The following PYGB variants were observed in gnomAD, a reference collection of about 807,000 sequenced individuals.
PYGB encodes glycogen phosphorylase B, also known as glycogen phosphorylase, brain form.
PYGB carries 82 observed loss-of-function variants against 94.3 expected under a neutral mutation model. The ratio of observed to expected loss-of-function variants is 0.87; its 90% CI spans 0.73 to 1.04. PYGB has a LOEUF of 1.04. Among genes scored for constraint, PYGB ranks in the 50% least tolerant of loss-of-function variants. The probability of loss-of-function intolerance (pLI) is 0.00; values close to 1 mark genes in which losing one functional copy is unlikely to be tolerated. For missense variants in PYGB, 1,132 were observed against 1,158.2 expected, an observed-to-expected ratio of 0.98 and a Z score of 0.33; for synonymous variants, 488 against 479.1, an observed-to-expected ratio of 1.02 and a Z score of -0.24.
intron 13 of PYGB, among the ~76,000 whole-genome samples, chr20:25,283,505 G>C (rs1377948429): frequency 1.3e-5 from 2 of 152,242 alleles, no homozygotes; most frequent in Non-Finnish European, 1.5e-5. Flanking sequence ...TCACATGGCA[G>C]ATAGGTGAGT....
Position 25,296,824 on chromosome 20 carries a change from G to A in PYGB, c.*302G>A. 2 of 394,828 alleles carry A rather than the reference G, an allele frequency of 5.1e-6. No homozygotes were observed. The highest frequency in any genetic ancestry group is 9.2e-6 in the Non-Finnish European group (2 of 216,714). The allele number at this position is 394,828 out of a possible 1,614,324, so 24.5% of individuals were successfully genotyped here. ...GGAGTCAGGTGGAGCCACCTGCTGG[G>A]CTCCCCCAGAACTTTGCACACATCT... On this transcript the variant is annotated 3_prime_UTR_variant, in exon 20 of 20. Coordinates refer to ENST00000216962, the MANE Select transcript of PYGB (RefSeq NM_002862.4).
intron 17 of PYGB, 124 bp downstream of exon 17, chr20:25,292,737 C>T (rs138950427): frequency 5.6e-6 from 7 of 1,244,022 alleles, no homozygotes; most frequent in East Asian, 2.5e-5. Flanking sequence ...TCAGTGCCCA[C>T]CCAGGGCTGT....
In PYGB at chr20:25,292,584, G is replaced by A. The variant is rs1468828091; in HGVS notation, c.2148G>A (p.Val716=). 6.2e-7 allele frequency: 1 copy of A among 1,612,678 alleles called. No individual in the cohort carries two copies. Among genetic ancestry groups the A allele is most frequent in the South Asian group, 1.1e-5 (1 of 91,078 alleles). The part of the protein sequence containing the change: ...AENLFIFGLR[V]EDVEALDRKG... Reference sequence around the variant, plus strand: ...ACCTCTTCATCTTCGGCCTGCGGGTGGAGGATGTCGAGGCCTTGGACCGGA... The same window carrying A: ...ACCTCTTCATCTTCGGCCTGCGGGTAGAGGATGTCGAGGCCTTGGACCGGA... Residue 716 remains valine, a synonymous_variant, in exon 17 of 20, where the codon GTG becomes GTA. Coordinates refer to ENST00000216962, the MANE Select transcript of PYGB (RefSeq NM_002862.4).
At position 25,294,740 on chromosome 20, in the gene PYGB, A is replaced by G. The variant is rs2088513217; in HGVS notation, c.2312+448A>G. 3 of 629,838 alleles carry G rather than the reference A, an allele frequency of 4.8e-6. No individual in the cohort carries two copies. The East Asian group carries it at 8.3e-5, about 17-fold the overall frequency. The allele number at this position is 629,838 out of a possible 1,614,324, so 39.0% of individuals were successfully genotyped here. The stretch of plus-strand genomic sequence containing the variant: ...GTGAAAATGGATTTCACTTGCAACG[A>G]TGTGACATTATAATGTAGTTAGTGT... On this transcript the variant is annotated intron_variant, in intron 18 of 19. Transcript: ENST00000216962.
chr20:25,285,275 C>T (rs767121120), intron 14 of PYGB: 1 of 152,206 alleles, frequency 6.6e-6, no homozygotes, highest in Non-Finnish European at 1.5e-5. Flanking sequence ...CATTTTCCTC[C>T]TGCAGTTGTG....
At position 25,292,420 on chromosome 20, in the gene PYGB, G is replaced by T; in HGVS notation, c.1984G>T (p.Asp662Tyr). 6.2e-7 allele frequency: 1 copy of T among 1,613,208 alleles called. No individual in the cohort carries two copies. Among genetic ancestry groups the T allele is most frequent in the Non-Finnish European group, 8.5e-7 (1 of 1,179,992 alleles). The change falls in exon 17 of 20, where the codon GAT becomes TAT. Residue 662 changes from aspartate (D) to tyrosine (Y), a missense_variant. Asp to Tyr is a radical substitution (Grantham distance 160). Coordinates refer to ENST00000216962, the MANE Select transcript of PYGB (RefSeq NM_002862.4). ...SLAEKVIPAADLSQQISTAGT... is the reference protein window; with the variant it reads ...SLAEKVIPAAYLSQQISTAGT... Reference sequence around the variant, plus strand: ...CCCCTCCACAGTGATCCCGGCCGCTGATCTGTCGCAGCAGATCTCCACTGC... The same window carrying T: ...CCCCTCCACAGTGATCCCGGCCGCTTATCTGTCGCAGCAGATCTCCACTGC...
At chr20:25,293,594 C>T (rs914185991) in intron 17 of PYGB, among the ~76,000 whole-genome samples, 3 of 152,202 alleles carry the variant, frequency 2.0e-5, no homozygotes, top group African/African-American at 4.8e-5. Context: ...CTTGCTGGCC[C>T]GAGCACAGAG....
At chr20:25,262,314 G>A (rs963171719) in intron 2 of PYGB, among the ~76,000 whole-genome samples, 1 of 152,218 alleles carries the variant, frequency 6.6e-6, no homozygotes, top group Admixed American at 6.5e-5. Context: ...GAGAGTGGGG[G>A]CCAATGTTCA....
chr20:25,251,922 G>A (rs988515699), intron 1 of PYGB, among the ~76,000 whole-genome samples: 2 of 150,276 alleles, frequency 1.3e-5, no homozygotes, highest in Non-Finnish European at 1.5e-5. Flanking sequence ...TGGTTTGGCT[G>A]GACCCAGGAG....
intron 2 of PYGB, among the ~76,000 whole-genome samples, chr20:25,267,282 CAG>C (rs1345190311): frequency 2.6e-5 from 4 of 152,066 alleles, no homozygotes; most frequent in Admixed American, 2.6e-4. Context: ...CAGTGATTGA[CAG>C]AGGTGGGGGA....
At chr20:25,296,273 G>C in intron 19 of PYGB, 97 bp from the exon 20 acceptor site, 1 of 1,471,064 alleles carries the variant, frequency 6.8e-7, no homozygotes, top group Admixed American at 1.7e-5. Context: ...AAGGCTCGGA[G>C]CTCATTTGGA....
At chr20:25,278,499 G>T (rs1245162034) in intron 8 of PYGB, 37 bp downstream of exon 8, 1 of 1,610,204 alleles carries the variant, frequency 6.2e-7, no homozygotes, top group Non-Finnish European at 8.5e-7. Flanking sequence ...CAGTGCCAGG[G>T]GCTGGGCGCC....
At chr20:25,282,673 C>T (rs1479730344) in intron 12 of PYGB, among the ~76,000 whole-genome samples, 1 of 152,192 alleles carries the variant, frequency 6.6e-6, no homozygotes, top group Non-Finnish European at 1.5e-5. Flanking sequence ...TGGTTCAATG[C>T]CCTGTGCTGG....
chr20:25,258,826 A>G (rs145581537), intron 1 of PYGB, among the ~76,000 whole-genome samples: 332 of 152,372 alleles, frequency 2.2e-3, no homozygotes, highest in African/African-American at 7.4e-3. Flanking sequence ...ACTTGAAGAC[A>G]TGGCCTGTGT....
chr20:25,280,457 A>G (rs546592522), intron 10 of PYGB, 45 bp downstream of exon 10: 1 of 1,598,896 alleles, frequency 6.3e-7, no homozygotes, highest in Admixed American at 1.7e-5. Flanking sequence ...GGCTACACCC[A>G]TGCCAACGGC....
At position 25,288,949 on chromosome 20, in the gene PYGB, TC is replaced by T. The variant is rs536095166; in HGVS notation, c.1827+468del. Reference sequence around the variant, plus strand: ...GCCCTCTGCGGCCAGTGTCCCCACCTCCTGCCATGTTTCCCTAGTAGCTTGG... The same window carrying T: ...GCCCTCTGCGGCCAGTGTCCCCACCTCTGCCATGTTTCCCTAGTAGCTTGG... On this transcript the variant is annotated intron_variant, in intron 15 of 19. Transcript: ENST00000216962. Among the ~76,000 whole-genome samples the T allele has an allele frequency of 8.5e-5, 13 of 152,346 alleles. No individual in the cohort carries two copies. The South Asian group carries it at 2.5e-3, about 29-fold the overall frequency.
In PYGB at chr20:25,248,395, C is replaced by T; in HGVS notation, c.217C>T (p.Gln73Ter). ...CGTGGGCCGCTGGATCCGCACGCAG[C>T]AGCACTACTACGAGCGCGACCCCAA... Reference protein sequence around the residue: ...HLVGRWIRTQQHYYERDPKRI... With the variant: ...HLVGRWIRTQ Residue 73 changes from glutamine to a stop codon, truncating the protein, a stop_gained, in exon 1 of 20, where the codon CAG (glutamine) becomes TAG (stop). Transcript: ENST00000216962. LOFTEE classifies it high-confidence loss of function. 1 of 1,579,226 alleles carries T rather than the reference C, an allele frequency of 6.3e-7. No homozygotes were observed. Among genetic ancestry groups the T allele is most frequent in the Non-Finnish European group, 8.6e-7 (1 of 1,164,262 alleles).
At chr20:25,296,247 T>C in intron 19 of PYGB, 123 bp from the exon 20 acceptor site, 1 of 1,222,040 alleles carries the variant, frequency 8.2e-7, no homozygotes, top group Non-Finnish European at 1.2e-6. Context: ...GTCCTCCTCT[T>C]CCAGCGGATG....
intron 15 of PYGB, among the ~76,000 whole-genome samples, chr20:25,289,149 C>T (rs2088444008): frequency 6.6e-6 from 1 of 152,212 alleles, no homozygotes; most frequent in Non-Finnish European, 1.5e-5. Context: ...CCTCTTGCTG[C>T]CTTCAGCGAG....
Sources: allele counts gnomAD v4.1 joint callset (sites outside exome capture counted in the v4.1 genomes callset), GRCh38; gene constraint gnomAD v4.1.1; transcripts MANE v1.5; gene names NCBI Gene and HGNC (gene_info 2026-07-23, HGNC 2026-07-21).